The following ROS1 variants were observed in gnomAD, a reference collection of about 807,000 sequenced individuals.
ROS1 encodes ROS proto-oncogene 1, receptor tyrosine kinase.
In ROS1, 263 loss-of-function variants were observed where a neutral mutation model predicts 273.5. That is an observed-to-expected ratio of 0.96 (90% CI 0.87 to 1.06). The LOEUF is 1.06. Ranked by LOEUF, ROS1 falls within the 50% of genes least tolerant of loss-of-function variation. ROS1 has a pLI of 0.00. For synonymous variants in ROS1, 1,008 were observed against 954.1 expected (o/e 1.06, Z -1.04); for missense variants, 2,833 against 2,751.1 (o/e 1.03, Z -0.67).
intron 43 of ROS1, among the ~76,000 whole-genome samples, chr6:117,295,473 C>CA (rs914688018): frequency 6.6e-6 from 1 of 152,006 alleles, no homozygotes; most frequent in Non-Finnish European, 1.5e-5. Context: ...GCAGTCAAAG[C>CA]AAAAATGGAC....
intron 27 of ROS1, among the ~76,000 whole-genome samples, chr6:117,351,927 T>G (rs1256801831): frequency 1.3e-5 from 2 of 152,222 alleles, no homozygotes; most frequent in African/African-American, 4.8e-5. Context: ...ATTTTTCAAT[T>G]TACATATTTT....
At chr6:117,360,112 C>T in intron 23 of ROS1, 101 bp from the exon 24 acceptor site, 1 of 897,686 alleles carries the variant, frequency 1.1e-6, no homozygotes, top group Non-Finnish European at 1.7e-6. Flanking sequence ...CCATGGGCTC[C>T]CTTTGGTTCC....
chr6:117,400,466 T>C (rs1042701820), intron 7 of ROS1, among the ~76,000 whole-genome samples: 1 of 152,186 alleles, frequency 6.6e-6, no homozygotes, highest in African/African-American at 2.4e-5. Flanking sequence ...CTAGAATTGC[T>C]CTAAGGATAT....
At chr6:117,417,278 C>T (rs918369752) in intron 2 of ROS1, among the ~76,000 whole-genome samples, 1 of 152,148 alleles carries the variant, frequency 6.6e-6, no homozygotes, top group African/African-American at 2.4e-5. Context: ...TAACGCGTTA[C>T]ATTCTCCTGA....
At chr6:117,329,627 A>G (rs925183160) in intron 32 of ROS1, among the ~76,000 whole-genome samples, 181 bp from the exon 33 acceptor site, 2 of 152,086 alleles carry the variant, frequency 1.3e-5, no homozygotes, top group Admixed American at 6.5e-5. Context: ...AAACCATAAT[A>G]AGTGTGTGAG....
At chr6:117,356,510 G>A (rs1042024381) in intron 26 of ROS1, 119 bp downstream of exon 26, 16 of 870,698 alleles carry the variant, frequency 1.8e-5, no homozygotes, top group Admixed American at 3.1e-5. Flanking sequence ...CACTTGGCAT[G>A]GTACAGAGCA....
At position 117,365,189 on chromosome 6, in the gene ROS1, G is replaced by C. The variant is rs1444061608; in HGVS notation, c.2974C>G (p.Gln992Glu). Residue 992 changes from glutamine (Q) to glutamate (E), a missense_variant, in exon 21 of 44, where the codon CAA becomes GAA. Transcript: ENST00000368507. The stretch of plus-strand genomic sequence containing the variant: ...ACAGTAAATACAGGTAAAGAGTGTT[G>C]TTCACTAGCCAAGAACTAAAATATA... The part of the protein sequence containing the change: ...SAHSKFLASE[Q>E]HSLPVFTVEG... 2.5e-6 allele frequency: 4 copies of C among 1,602,240 alleles called. No individual in the cohort carries two copies. Among genetic ancestry groups the C allele is most frequent in the Non-Finnish European group, 3.4e-6 (4 of 1,175,294 alleles).
Position 117,319,988 on chromosome 6 carries a change from G to A in ROS1, c.5802C>T (p.Phe1934=), listed in dbSNP as rs1377067357. Reference sequence around the variant, plus strand: ...GACGCAGAGTCAGTTTTTCCCGAGGGAAGGCAGGAAGATTTTCAATCTCCT... The same window carrying A: ...GACGCAGAGTCAGTTTTTCCCGAGGAAAGGCAGGAAGATTTTCAATCTCCT... ...TQEEIENLPA[F]PREKLTLRLL... is the part of the protein sequence containing the mutation. Residue 1934 remains phenylalanine (F), a synonymous_variant, in exon 37 of 44, where the codon TTC becomes TTT. Transcript: ENST00000368507. The A allele has an allele frequency of 1.9e-6, 3 of 1,613,334 alleles. No homozygotes were observed. Among genetic ancestry groups the A allele is most frequent in the Admixed American group, 1.7e-5 (1 of 59,868 alleles).
At chr6:117,379,266 A>G in intron 17 of ROS1, 107 bp from the exon 18 acceptor site, 1 of 646,822 alleles carries the variant, frequency 1.5e-6, no homozygotes, top group Non-Finnish European at 2.7e-6. Context: ...TCCTCTTTGG[A>G]ATAATAAATT....
At chr6:117,365,539 A>C (rs1248907519) in intron 20 of ROS1, 42 bp downstream of exon 20, 1 of 1,519,002 alleles carries the variant, frequency 6.6e-7, no homozygotes, top group Non-Finnish European at 9.1e-7. Flanking sequence ...CAGATGGTAC[A>C]GTCTGTTTGG....
intron 18 of ROS1, among the ~76,000 whole-genome samples, chr6:117,375,718 C>A (rs1781278578): frequency 6.6e-6 from 1 of 151,982 alleles, no homozygotes; most frequent in Non-Finnish European, 1.5e-5. Context: ...ACAAAGGAAT[C>A]TTTAAGATGA....
Position 117,329,381 on chromosome 6 carries a change from C to T in ROS1, c.5296G>A (p.Glu1766Lys), listed in dbSNP as rs1192695384. ...LEGSKNSIQW[E>K]KAEDNGCRIT... Reference sequence around the variant, plus strand: ...CTACATCCATTATCTTCAGCTTTCTCCCACTGTATTGAATTTTTACTCCCT... The same window carrying T: ...CTACATCCATTATCTTCAGCTTTCTTCCACTGTATTGAATTTTTACTCCCT... Residue 1766 changes from glutamate to lysine, a missense_variant, in exon 33 of 44, where the codon GAG becomes AAG. Physicochemically the swap from Glu to Lys is moderately conservative, Grantham distance 56. Transcript: ENST00000368507. 3 of 1,602,480 alleles carry T rather than the reference C, an allele frequency of 1.9e-6. No individual in the cohort carries two copies. The highest frequency in any genetic ancestry group is 3.3e-5 in the Admixed American group (2 of 59,912).
At chr6:117,316,411 T>A (rs1582597932) in intron 39 of ROS1, among the ~76,000 whole-genome samples, 1 of 150,034 alleles carries the variant, frequency 6.7e-6, no homozygotes, top group African/African-American at 2.5e-5. Flanking sequence ...ATATAAAAAT[T>A]TTTTTAATCC....
At position 117,360,029 on chromosome 6, in the gene ROS1, T is replaced by G. The variant is rs1206312227; in HGVS notation, c.3431-18A>C. The G allele has an allele frequency of 1.3e-6, 2 of 1,597,124 alleles. No homozygotes were observed. The highest frequency in any genetic ancestry group is 1.3e-5 in the African/African-American group (1 of 74,470). ...GTTGATTTCTGAAAGCAAAAAAACATGTAGATAATATGCATGAGAAAACTG... is the reference window on the plus strand; with the variant it reads ...GTTGATTTCTGAAAGCAAAAAAACAGGTAGATAATATGCATGAGAAAACTG... On this transcript the variant is annotated intron_variant, in intron 23 of 43. Transcript: ENST00000368507.
chr6:117,380,183 T>C (rs1772007655), intron 17 of ROS1, among the ~76,000 whole-genome samples: 1 of 152,096 alleles, frequency 6.6e-6, no homozygotes, highest in Admixed American at 6.5e-5. Context: ...ACCAATAGAA[T>C]TAAAGTTGAC....
In ROS1 at chr6:117,387,824, G is replaced by C. The variant is rs1668481562; in HGVS notation, c.1955C>G (p.Pro652Arg). 1 of 1,614,114 alleles carries C rather than the reference G, an allele frequency of 6.2e-7. No individual in the cohort carries two copies. Among genetic ancestry groups the C allele is most frequent in the East Asian group, 2.2e-5 (1 of 44,876 alleles). ...CACTGAGGGCTCTGACCAGGGGCCT[G>C]GCCTCTTTGGAGAACTTGCTCTCAC... ...VSVRASSPKRPGPWSEPSVGT... is the reference protein window; with the variant it reads ...VSVRASSPKRRGPWSEPSVGT... The change falls in exon 14 of 44, where the codon CCA becomes CGA. Residue 652 changes from proline to arginine, a missense_variant. Pro to Arg is a moderately radical substitution (Grantham distance 103). Transcript: ENST00000368507.
intron 39 of ROS1, among the ~76,000 whole-genome samples, chr6:117,314,070 T>C (rs1775732277): frequency 6.6e-6 from 1 of 151,970 alleles, no homozygotes; most frequent in Non-Finnish European, 1.5e-5. Context: ...TTTTTTTCAG[T>C]CCATCCTTTT....
Position 117,296,325 on chromosome 6 carries a change from T to C in ROS1, c.6715+4649A>G, listed in dbSNP as rs553273949. ...CCGAGGCATAAGAATCGCTTGAAAC[T>C]GAAAGGGGGAGGTTGCAGTGAGCCG... On this transcript the variant is annotated intron_variant, in intron 43 of 43. Coordinates refer to ENST00000368507, the MANE Select transcript of ROS1 (RefSeq NM_001378902.1). Among the ~76,000 whole-genome samples the C allele has an allele frequency of 4.0e-5, 6 of 151,844 alleles. No homozygotes were observed. The South Asian group carries it at 1.3e-3, about 32-fold the overall frequency.
At chr6:117,358,973 T>C (rs1354156068) in intron 24 of ROS1, among the ~76,000 whole-genome samples, 2 of 152,168 alleles carry the variant, frequency 1.3e-5, no homozygotes, top group Non-Finnish European at 2.9e-5. Context: ...CTAAATATCT[T>C]TACTGGCTTG....
Sources: allele counts gnomAD v4.1 joint callset (sites outside exome capture counted in the v4.1 genomes callset), GRCh38; gene constraint gnomAD v4.1.1; transcripts MANE v1.5; gene names NCBI Gene and HGNC (gene_info 2026-07-23, HGNC 2026-07-21).